The following RPTOR variants were observed in gnomAD, a reference collection of about 807,000 sequenced individuals.
RPTOR encodes the protein regulatory-associated protein of mTOR.
In RPTOR, 21 loss-of-function variants were observed where a neutral mutation model predicts 169.9. The ratio of observed to expected loss-of-function variants is 0.12; its 90% CI spans 0.09 to 0.18. The LOEUF (loss-of-function observed/expected upper bound fraction) is 0.18, where lower values mean the gene tolerates loss of function less well. Among genes scored for constraint, RPTOR ranks in the 10% least tolerant of loss-of-function variants. RPTOR has a pLI of 1.00. For synonymous variants in RPTOR, 732 were observed against 753.2 expected (o/e 0.97, Z 0.46); for missense variants, 1,133 against 1,855.9 (o/e 0.61, Z 7.16).
intron 1 of RPTOR, among the ~76,000 whole-genome samples, chr17:80,603,129 A>T (rs1030357706): frequency 7.9e-5 from 12 of 152,294 alleles, no homozygotes; most frequent in African/African-American, 2.6e-4. Flanking sequence ...TATTTTTGTC[A>T]TGAAAAACAT....
chr17:80,743,809 C>T (rs71368078), intron 5 of RPTOR, among the ~76,000 whole-genome samples: 3,444 of 88,432 alleles, frequency 0.039, 329 homozygotes, highest in African/African-American at 0.078. Context: ...ACAGCCCTGG[C>T]TACTAGCAGA....
rs1171771872 is a variant in RPTOR at position 80,966,358 on chromosome 17, A to G, written c.*2028A>G. ...AGCAGAGAGTGACCAACAGTAAACA[A>G]CACGCGCAGACTCCGCGGCTGGCGG... On this transcript the variant is annotated 3_prime_UTR_variant, in exon 34 of 34. Transcript: ENST00000306801. The G allele has an allele frequency of 4.5e-6, 1 of 223,716 alleles. No homozygotes were observed. Among genetic ancestry groups the G allele is most frequent in the Non-Finnish European group, 8.9e-6 (1 of 112,094 alleles). 13.9% of individuals were successfully genotyped at this position (223,716 alleles called of 1,614,324 possible).
chr17:80,611,777 A>AC (rs2065273295), intron 1 of RPTOR, among the ~76,000 whole-genome samples: 2 of 150,300 alleles, frequency 1.3e-5, no homozygotes, highest in Non-Finnish European at 3.0e-5. Context: ...TTTAAAAAAA[A>AC]CAAAATCTAC....
In RPTOR at chr17:80,746,287, GGTGCTTTCTGCGGGT is replaced by G; in HGVS notation, c.655-7721_655-7707del. Among the ~76,000 whole-genome samples the G allele has an allele frequency of 7.5e-6, 1 of 133,516 alleles. No individual in the cohort carries two copies. Among genetic ancestry groups the G allele is most frequent in the Admixed American group, 7.2e-5 (1 of 13,860 alleles). 87.6% of individuals were successfully genotyped at this position (133,516 alleles called of 152,430 possible). On this transcript the variant is annotated intron_variant, in intron 5 of 33. Coordinates refer to ENST00000306801, the MANE Select transcript of RPTOR (RefSeq NM_020761.3). The surrounding 1 kb of genome is among the most constrained non-coding windows in gnomAD (Gnocchi z 4.5). ...GGGTGATCCCCACCGCCCCCACAGC[GGTGCTTTCTGCGGGT>G]GATCCCCACCGCCCCCACAGCGGTG...
At chr17:80,551,079 C>T (rs113464532) in intron 1 of RPTOR, among the ~76,000 whole-genome samples, 4 of 151,984 alleles carry the variant, frequency 2.6e-5, no homozygotes, top group East Asian at 3.9e-4. Context: ...AGTAGAGATG[C>T]GGTTTCACCA....
intron 6 of RPTOR, among the ~76,000 whole-genome samples, chr17:80,757,014 G>A (rs936071672): frequency 6.6e-6 from 1 of 152,116 alleles, no homozygotes; most frequent in African/African-American, 2.4e-5. Flanking sequence ...ACCCATAGCA[G>A]GAGAGACACT....
intron 2 of RPTOR, among the ~76,000 whole-genome samples, chr17:80,634,159 T>TGC (rs2065464468): frequency 6.7e-6 from 1 of 150,292 alleles, no homozygotes; most frequent in African/African-American, 2.5e-5. Flanking sequence ...GCGTACTGTG[T>TGC]GTGTGTGCAT....
rs117514450 is a variant in RPTOR, at chr17:80,754,290, G to T, written c.830+105G>T. 1 of 1,155,712 alleles carries T rather than the reference G, an allele frequency of 8.7e-7. No individual in the cohort carries two copies. Among genetic ancestry groups the T allele is most frequent in the Non-Finnish European group, 1.2e-6 (1 of 822,916 alleles). 71.6% of individuals were successfully genotyped at this position (1,155,712 alleles called of 1,614,324 possible). ...CATTCACCTGGTCCCAGGAGCCCAC[G>T]TGACAGACATGAGTGTCCCCGCCTT... On this transcript the variant is annotated intron_variant, in intron 6 of 33. Coordinates refer to ENST00000306801, the MANE Select transcript of RPTOR (RefSeq NM_020761.3). This position sits in a 1 kb window ranked among gnomAD's most constrained non-coding sequence, Gnocchi z 4.2.
intron 6 of RPTOR, among the ~76,000 whole-genome samples, chr17:80,788,115 C>T (rs1261217825): frequency 1.3e-5 from 2 of 152,124 alleles, no homozygotes; most frequent in Non-Finnish European, 2.9e-5. Context: ...GTCATGCTCA[C>T]ACATTTGAAT....
intron 6 of RPTOR, among the ~76,000 whole-genome samples, chr17:80,765,832 A>G (rs2066781300): frequency 6.6e-6 from 1 of 152,196 alleles, no homozygotes; most frequent in Non-Finnish European, 1.5e-5. Context: ...TAACGTGGTA[A>G]AGGCTACATC....
chr17:80,642,362 T>C (rs751372392), intron 2 of RPTOR, among the ~76,000 whole-genome samples: 1 of 151,808 alleles, frequency 6.6e-6, no homozygotes, highest in Admixed American at 6.6e-5. Context: ...CCCCAGGTGA[T>C]CCACCCACCT....
At chr17:80,905,179 G>GT (rs56239682) in intron 20 of RPTOR, among the ~76,000 whole-genome samples, 48 of 149,646 alleles carry the variant, frequency 3.2e-4, no homozygotes, top group Non-Finnish European at 4.8e-4. Context: ...ATGCTCTCTT[G>GT]TTTTTTTTTT....
intron 31 of RPTOR, 44 bp from the exon 32 acceptor site, chr17:80,962,417 T>G (rs1598428485): frequency 6.6e-6 from 10 of 1,521,330 alleles, no homozygotes; most frequent in South Asian, 1.1e-5. Flanking sequence ...AGGCCCCTCA[T>G]GGGGCCTCCG....
At chr17:80,643,647 A>C in intron 2 of RPTOR, 81 bp from the exon 3 acceptor site, 1 of 1,028,566 alleles carries the variant, frequency 9.7e-7, no homozygotes, top group Non-Finnish European at 1.5e-6. Flanking sequence ...TGTGTTATAT[A>C]AGGAGAAACT....
chr17:80,760,404 C>T (rs1352276161), intron 6 of RPTOR, among the ~76,000 whole-genome samples: 2 of 145,088 alleles, frequency 1.4e-5, no homozygotes, highest in Non-Finnish European at 3.0e-5. Flanking sequence ...TCGGTTCAAG[C>T]GATTCTCCTG....
chr17:80,935,957 G>A (rs557829358), intron 24 of RPTOR, among the ~76,000 whole-genome samples: 2 of 152,130 alleles, frequency 1.3e-5, no homozygotes, highest in Non-Finnish European at 2.9e-5. Flanking sequence ...TATAAAACAC[G>A]TAAGATTAAG....
chr17:80,956,522 CT>C (rs1421775168), intron 28 of RPTOR, among the ~76,000 whole-genome samples: 1 of 152,262 alleles, frequency 6.6e-6, no homozygotes, highest in Non-Finnish European at 1.5e-5. Flanking sequence ...CCATGCCGAG[CT>C]CCTGTTTGTC....
chr17:80,841,268 TC>T (rs2067649336), intron 10 of RPTOR, among the ~76,000 whole-genome samples: 1 of 103,220 alleles, frequency 9.7e-6, no homozygotes, highest in Non-Finnish European at 1.9e-5. Context: ...GCACCGCAGC[TC>T]ACTCTCACCG....
intron 4 of RPTOR, among the ~76,000 whole-genome samples, chr17:80,716,143 A>G (rs2066237576): frequency 6.6e-6 from 1 of 152,204 alleles, no homozygotes; most frequent in African/African-American, 2.4e-5. Context: ...GAATCTCCAC[A>G]CTGTTTTCCA....
Sources: gnomAD v4.1 joint callset for allele counts (sites outside exome capture counted in the v4.1 genomes callset) on GRCh38, gnomAD v4.1.1 for gene constraint, Gnocchi (gnomAD v3.1) non-coding constraint, MANE v1.5 for transcripts, NCBI Gene and HGNC (gene_info 2026-07-23, HGNC 2026-07-21) for gene names.